NUMB: variants seen among roughly 807,000 people sequenced by gnomAD.
NUMB encodes NUMB endocytic adaptor protein, also known as protein numb homolog.
Under a neutral mutation model 59.7 loss-of-function variants are expected in NUMB, and 29 were observed. That is an observed-to-expected ratio of 0.49 (90% confidence interval 0.36 to 0.66). The LOEUF (loss-of-function observed/expected upper bound fraction) is 0.66. Among genes scored for constraint, NUMB ranks in the 30% least tolerant of loss-of-function variants. NUMB has a pLI of 0.00. For synonymous variants in NUMB, 288 were observed against 288.2 expected (o/e 1.00, Z 0.01); for missense variants, 723 against 822.0 (o/e 0.88, Z 1.47).
At chr14:73,366,282 G>C (rs894947545) in intron 3 of NUMB, among the ~76,000 whole-genome samples, 8 of 152,278 alleles carry the variant, frequency 5.3e-5, no homozygotes, top group South Asian at 2.1e-4. Context: ...GAATTTGAAA[G>C]AATGAATGAT....
rs547518955 is a variant in NUMB, at chr14:73,383,950, G to A, written c.-100-16969C>T. Among the ~76,000 whole-genome samples, 4 of 152,208 alleles carry A rather than the reference G, an allele frequency of 2.6e-5. No individual in the cohort carries two copies. The South Asian group carries it at 6.2e-4, about 24-fold the overall frequency. ...AGGAACCGCTTGAACTCAGGAGGCA[G>A]AGGTTGCAGTGAGCCAAGATCATGC... On this transcript the variant is annotated intron_variant, in intron 2 of 12. Coordinates refer to ENST00000555238, the MANE Select transcript of NUMB (RefSeq NM_001005743.2).
intron 1 of NUMB, among the ~76,000 whole-genome samples, chr14:73,427,712 C>T (rs377568744): frequency 3.9e-5 from 6 of 152,200 alleles, no homozygotes; most frequent in African/African-American, 1.4e-4. Context: ...ACATTCCAAT[C>T]TCCATTTCCT....
intron 2 of NUMB, among the ~76,000 whole-genome samples, chr14:73,398,456 A>G (rs1896256014): frequency 6.9e-6 from 1 of 144,828 alleles, no homozygotes; most frequent in Non-Finnish European, 1.5e-5. Flanking sequence ...GTGTGTGTTT[A>G]AAGACCAGAA....
At chr14:73,349,082 T>A (rs543016316) in intron 4 of NUMB, among the ~76,000 whole-genome samples, 1 of 152,258 alleles carries the variant, frequency 6.6e-6, no homozygotes, top group Non-Finnish European at 1.5e-5. Context: ...ATATATATTT[T>A]TCTTTTAACT....
chr14:73,389,329 T>C (rs911567054), intron 2 of NUMB, among the ~76,000 whole-genome samples: 2 of 147,320 alleles, frequency 1.4e-5, no homozygotes, highest in Admixed American at 6.8e-5. Context: ...TTTATACATA[T>C]CTTCTCTTTA....
intron 4 of NUMB, among the ~76,000 whole-genome samples, chr14:73,341,112 T>C (rs1307364905): frequency 6.6e-6 from 1 of 152,230 alleles, no homozygotes; most frequent in Admixed American, 6.5e-5. Context: ...CTTTCCTTTA[T>C]AAATTACCCA....
chr14:73,296,526 T>C (rs1889782683), intron 7 of NUMB, among the ~76,000 whole-genome samples: 1 of 151,844 alleles, frequency 6.6e-6, no homozygotes, highest in African/African-American at 2.4e-5. Context: ...TAGAACAATA[T>C]GTTGAGAGAA....
At chr14:73,422,919 A>AC (rs1335875555) in intron 1 of NUMB, among the ~76,000 whole-genome samples, 2 of 151,892 alleles carry the variant, frequency 1.3e-5, no homozygotes, top group African/African-American at 4.8e-5. Context: ...AAAAAAAAAA[A>AC]AAAAAACTGT....
At chr14:73,310,528 T>C (rs1890724468) in intron 6 of NUMB, among the ~76,000 whole-genome samples, 1 of 152,210 alleles carries the variant, frequency 6.6e-6, no homozygotes, top group South Asian at 2.1e-4. Flanking sequence ...GAATGCTTTT[T>C]GAATGACAGA....
intron 1 of NUMB, among the ~76,000 whole-genome samples, chr14:73,433,730 T>C (rs1331817697): frequency 3.3e-5 from 5 of 152,110 alleles, no homozygotes; most frequent in African/African-American, 1.2e-4. Context: ...AAATCACCCC[T>C]GAAATATATG....
intron 1 of NUMB, among the ~76,000 whole-genome samples, chr14:73,442,924 G>A (rs1283885196): frequency 6.6e-6 from 1 of 152,070 alleles, no homozygotes; most frequent in African/African-American, 2.4e-5. Context: ...GTGTAGTGGT[G>A]CAATCTCAGC....
At chr14:73,379,965 C>T (rs1445160806) in intron 2 of NUMB, among the ~76,000 whole-genome samples, 1 of 152,112 alleles carries the variant, frequency 6.6e-6, no homozygotes, top group Non-Finnish European at 1.5e-5. Context: ...TAAGAATCAC[C>T]TTGGTTATTG....
chr14:73,323,590 C>T (rs1255703562), intron 4 of NUMB, among the ~76,000 whole-genome samples: 1 of 152,194 alleles, frequency 6.6e-6, no homozygotes, highest in African/African-American at 2.4e-5. Flanking sequence ...GACACAGTTA[C>T]TATGTCTCTA....
chr14:73,450,732 T>C (rs1480569755), intron 1 of NUMB, among the ~76,000 whole-genome samples: 3 of 151,440 alleles, frequency 2.0e-5, no homozygotes, highest in Admixed American at 1.3e-4. Flanking sequence ...GAGGTTGCAG[T>C]GAGCCGAGAT....
rs534007349 is a variant in NUMB, at chr14:73,428,469, T to A, written c.-232-18401A>T. ...AACTCTACCAGTGAGGTCCACCACC[T>A]TCTCTCCTCCCAAAGTCACATAAGC... On this transcript the variant is annotated intron_variant, in intron 1 of 12. Coordinates refer to ENST00000555238, the MANE Select transcript of NUMB (RefSeq NM_001005743.2). 1.2e-4 allele frequency among the ~76,000 whole-genome samples: 19 copies of A among 152,262 alleles called. No homozygotes were observed. The South Asian group carries it at 3.9e-3, about 32-fold the overall frequency.
intron 3 of NUMB, among the ~76,000 whole-genome samples, chr14:73,356,022 G>C (rs112950302): frequency 1.3e-5 from 2 of 151,776 alleles, no homozygotes; most frequent in African/African-American, 2.4e-5. Context: ...GTCCTTGTAA[G>C]AACAATAACT....
At chr14:73,364,288 G>A (rs1261005912) in intron 3 of NUMB, among the ~76,000 whole-genome samples, 1 of 152,018 alleles carries the variant, frequency 6.6e-6, no homozygotes, top group Non-Finnish European at 1.5e-5. Flanking sequence ...CGGATAACCT[G>A]AGGTCAGGAG....
Position 73,457,615 on chromosome 14 carries a change from T to C in NUMB, c.-233+878A>G, listed in dbSNP as rs553096456. 2.0e-5 allele frequency: 3 copies of C among 152,430 alleles called. No homozygotes were observed. In the East Asian group the frequency reaches 5.8e-4, roughly 29 times the overall value. 9.4% of individuals were successfully genotyped at this position (152,430 alleles called of 1,614,324 possible). On this transcript the variant is annotated intron_variant, in intron 1 of 12. Transcript: ENST00000555238. Reference sequence around the variant, plus strand: ...CCGACCGAGGGAACTTCCACTCCCCTGCTGGCTCCTCACCCCGGTCTCAAA... The same window carrying C: ...CCGACCGAGGGAACTTCCACTCCCCCGCTGGCTCCTCACCCCGGTCTCAAA...
At chr14:73,307,026 G>C (rs1365808159) in intron 6 of NUMB, among the ~76,000 whole-genome samples, 1 of 152,002 alleles carries the variant, frequency 6.6e-6, no homozygotes, top group Non-Finnish European at 1.5e-5. Context: ...AATAAAGCTA[G>C]GGGTCAGGCG....
Sources: gnomAD v4.1 joint callset for allele counts (sites outside exome capture counted in the v4.1 genomes callset) on GRCh38, gnomAD v4.1.1 for gene constraint, MANE v1.5 for transcripts, NCBI Gene and HGNC (gene_info 2026-07-23, HGNC 2026-07-21) for gene names.